The following CAMTA1 variants were observed in gnomAD, a reference collection of about 807,000 sequenced individuals.
The protein encoded by CAMTA1 is calmodulin-binding transcription activator 1.
In CAMTA1, 27 loss-of-function variants were observed where a neutral mutation model predicts 170.9. The ratio of observed to expected loss-of-function variants is 0.16; its 90% CI spans 0.12 to 0.22. CAMTA1 has a LOEUF of 0.22. Among genes scored for constraint, CAMTA1 ranks in the 10% least tolerant of loss-of-function variants. The pLI is 1.00. For missense variants in CAMTA1, 1,619 were observed against 2,217.2 expected (o/e 0.73, Z 5.42); for synonymous variants, 833 against 891.5 (o/e 0.93, Z 1.17).
At chr1:7,509,317 A>G (rs2094167413) in intron 6 of CAMTA1, among the ~76,000 whole-genome samples, 1 of 152,194 alleles carries the variant, frequency 6.6e-6, no homozygotes, top group Non-Finnish European at 1.5e-5. Flanking sequence ...CTGGAAGATA[A>G]ACAGAGCAGC....
At chr1:7,481,745 C>T (rs1478876030) in intron 6 of CAMTA1, among the ~76,000 whole-genome samples, 1 of 152,154 alleles carries the variant, frequency 6.6e-6, no homozygotes, top group Admixed American at 6.5e-5. Flanking sequence ...AGCACACCTC[C>T]CCCAAGTCTT....
intron 6 of CAMTA1, among the ~76,000 whole-genome samples, chr1:7,527,607 G>A (rs2094445097): frequency 1.3e-5 from 2 of 152,232 alleles, no homozygotes; most frequent in Admixed American, 6.5e-5. Flanking sequence ...GGGAAACACA[G>A]CACAGCTGAC....
chr1:7,411,333 T>A (rs1459612323), intron 5 of CAMTA1, among the ~76,000 whole-genome samples: 1 of 152,152 alleles, frequency 6.6e-6, no homozygotes, highest in Non-Finnish European at 1.5e-5. Flanking sequence ...CAGCGTCCTA[T>A]AAGAGACCAT....
intron 5 of CAMTA1, among the ~76,000 whole-genome samples, chr1:7,453,044 T>C (rs2149470373): frequency 6.6e-6 from 1 of 152,346 alleles, no homozygotes; most frequent in East Asian, 1.9e-4. Context: ...CCCCAGGACC[T>C]CCTGGCCTGC....
intron 5 of CAMTA1, among the ~76,000 whole-genome samples, chr1:7,422,942 C>A (rs182009165): frequency 6.6e-6 from 1 of 152,380 alleles, no homozygotes; most frequent in Non-Finnish European, 1.5e-5. Flanking sequence ...AACACCTTTC[C>A]CAGGTTGCCC....
intron 6 of CAMTA1, among the ~76,000 whole-genome samples, chr1:7,622,752 C>T (rs2095607334): frequency 6.6e-6 from 1 of 152,236 alleles, no homozygotes; most frequent in South Asian, 2.1e-4. Flanking sequence ...TTCATTTATT[C>T]AACAAATATT....
At chr1:6,889,553 G>C (rs1010075697) in intron 3 of CAMTA1, among the ~76,000 whole-genome samples, 2 of 152,226 alleles carry the variant, frequency 1.3e-5, no homozygotes, top group African/African-American at 4.8e-5. Context: ...GTCAGTGTCT[G>C]CTGCTTGTCT....
intron 6 of CAMTA1, among the ~76,000 whole-genome samples, chr1:7,618,260 C>T (rs553296811): frequency 3.3e-5 from 5 of 152,308 alleles, no homozygotes; most frequent in Non-Finnish European, 7.3e-5. Context: ...GCTGAGTGGT[C>T]AGTGGAGAGA....
intron 4 of CAMTA1, among the ~76,000 whole-genome samples, chr1:7,106,010 A>T (rs1362920367): frequency 6.6e-6 from 1 of 151,740 alleles, no homozygotes; most frequent in Admixed American, 6.6e-5. Context: ...TAATGCTCTT[A>T]GTCAAGGGTT....
At chr1:7,431,879 C>T (rs1341150142) in intron 5 of CAMTA1, among the ~76,000 whole-genome samples, 2 of 152,190 alleles carry the variant, frequency 1.3e-5, no homozygotes, top group Non-Finnish European at 1.5e-5. Flanking sequence ...CTCCCAAAGT[C>T]CTATGTCATC....
intron 4 of CAMTA1, among the ~76,000 whole-genome samples, chr1:7,184,147 A>G (rs1025974178): frequency 4.6e-5 from 7 of 152,178 alleles, no homozygotes; most frequent in African/African-American, 1.7e-4. Context: ...CAAACTTTTC[A>G]TGTTCTTGCT....
intron 6 of CAMTA1, among the ~76,000 whole-genome samples, chr1:7,608,611 A>G (rs2150649764): frequency 6.6e-6 from 1 of 152,298 alleles, no homozygotes; most frequent in East Asian, 1.9e-4. Flanking sequence ...CAGGAGCCCC[A>G]TTTGGCTTGT....
intron 9 of CAMTA1, among the ~76,000 whole-genome samples, chr1:7,669,943 C>T (rs570400211): frequency 2.6e-5 from 4 of 152,236 alleles, no homozygotes; most frequent in Admixed American, 6.5e-5. Context: ...CAGGACTGCC[C>T]GGGCCCCGGA....
chr1:6,901,789 T>C (rs1676995956), intron 3 of CAMTA1, among the ~76,000 whole-genome samples: 1 of 152,050 alleles, frequency 6.6e-6, no homozygotes, highest in African/African-American at 2.4e-5. Context: ...ACACCTGTAA[T>C]TTACCCAGCA....
In CAMTA1 at chr1:7,738,234, G is replaced by A. The variant is rs2096785344; in HGVS notation, c.3934G>A (p.Ala1312Thr). The A allele has an allele frequency of 6.2e-7, 1 of 1,614,060 alleles. No individual in the cohort carries two copies. Among genetic ancestry groups the A allele is most frequent in the East Asian group, 2.2e-5 (1 of 44,874 alleles). Residue 1312 changes from alanine to threonine, a missense_variant, in exon 16 of 23, where the codon GCC (alanine) becomes ACC (threonine). By Grantham distance (58) the Ala-to-Thr change is moderately conservative. Coordinates refer to ENST00000303635, the MANE Select transcript of CAMTA1 (RefSeq NM_015215.4). The surrounding 1 kb of genome is among the most constrained non-coding windows in gnomAD (Gnocchi z 4.9). ...CACTCCAGAGACTGCAGCATTTCAA[G>A]CCTCTGGATCTCAGCCTGTAGGAAA... ...PPTPETAAFQ[A>T]SGSQPVGKWN... is the part of the protein sequence containing the mutation.
intron 6 of CAMTA1, among the ~76,000 whole-genome samples, chr1:7,523,912 C>T (rs1191301415): frequency 6.9e-6 from 1 of 145,132 alleles, no homozygotes; most frequent in South Asian, 2.2e-4. Flanking sequence ...ATAATAATTT[C>T]ATTTTCTTGG....
chr1:7,736,823 A>T lies in CAMTA1; in HGVS notation c.3264-108A>T, dbSNP rs1274369488. 3.4e-6 allele frequency: 3 copies of T among 886,850 alleles called. No homozygotes were observed. Among genetic ancestry groups the T allele is most frequent in the Middle Eastern group, 2.2e-4 (1 of 4,636 alleles). 54.9% of individuals were successfully genotyped at this position (886,850 alleles called of 1,614,324 possible). A position where few individuals can be genotyped will look rare whatever the true frequency, so the allele number is the denominator to read the frequency against. On this transcript the variant is annotated intron_variant, in intron 13 of 22. Coordinates refer to ENST00000303635, the MANE Select transcript of CAMTA1 (RefSeq NM_015215.4). The surrounding 1 kb of genome is among the most constrained non-coding windows in gnomAD (Gnocchi z 4.5). Reference sequence around the variant, plus strand: ...GGGACTCTGTTTCTTCACCATGGGGATGTTATATACCCAGTTGGGTTTCAT... The same window carrying T: ...GGGACTCTGTTTCTTCACCATGGGGTTGTTATATACCCAGTTGGGTTTCAT...
intron 3 of CAMTA1, among the ~76,000 whole-genome samples, chr1:6,954,076 G>A (rs1689017664): frequency 6.6e-6 from 1 of 152,242 alleles, no homozygotes; most frequent in Non-Finnish European, 1.5e-5. Context: ...TCAGCCACAT[G>A]TGCCATTTGG....
chr1:7,176,173 G>A (rs1573659725), intron 4 of CAMTA1, among the ~76,000 whole-genome samples: 1 of 152,338 alleles, frequency 6.6e-6, no homozygotes, highest in East Asian at 1.9e-4. Flanking sequence ...AATGTGATGA[G>A]CTGCCCCTGC....
Sources: gnomAD v4.1 joint callset for allele counts (sites outside exome capture counted in the v4.1 genomes callset) on GRCh38, gnomAD v4.1.1 for gene constraint, Gnocchi (gnomAD v3.1) non-coding constraint, MANE v1.5 for transcripts, NCBI Gene and HGNC (gene_info 2026-07-23, HGNC 2026-07-21) for gene names.